Variants in ALMS1 observed in about 807,000 individuals in gnomAD.
The protein encoded by ALMS1 is centrosome-associated protein ALMS1.
Under a neutral mutation model 352.2 loss-of-function variants are expected in ALMS1, and 271 were observed. The ratio of observed to expected loss-of-function variants is 0.77; its 90% CI spans 0.70 to 0.85. The LOEUF (loss-of-function observed/expected upper bound fraction) is 0.85, where lower values mean the gene tolerates loss of function less well. ALMS1 is among the 40% of genes least tolerant of loss of function. The probability of loss-of-function intolerance (pLI) is 0.00; values close to 1 mark genes in which losing one functional copy is unlikely to be tolerated. For missense variants in ALMS1, 5,445 were observed against 4,870.7 expected, an observed-to-expected ratio of 1.12 and a Z score of -3.51; for synonymous variants, 1,865 against 1,761.2, an observed-to-expected ratio of 1.06 and a Z score of -1.48.
At chr2:73,549,672 C>T (rs1037502008) in intron 12 of ALMS1, among the ~76,000 whole-genome samples, 5 of 152,186 alleles carry the variant, frequency 3.3e-5, no homozygotes, top group Non-Finnish European at 7.3e-5. Flanking sequence ...TCCTCCAAAA[C>T]CATCATGAGC....
chr2:73,579,172 G>T (rs1675119806), intron 16 of ALMS1, among the ~76,000 whole-genome samples: 1 of 147,342 alleles, frequency 6.8e-6, no homozygotes, highest in Non-Finnish European at 1.5e-5. Context: ...CAGTTCTCCT[G>T]CCTCGACCTC....
rs1243518140 is a variant in ALMS1 at position 73,453,916 on chromosome 2, G to A, written c.7389G>A (p.Glu2463=). The A allele has an allele frequency of 6.2e-7, 1 of 1,614,114 alleles. No homozygotes were observed. The part of the protein sequence containing the change: ...KTSITDSREE[E]GVSESEDGGG... Reference sequence around the variant, plus strand: ...GTATAACAGATAGCAGGGAGGAAGAGGGTGTGTCAGAGAGTGAGGATGGTG... The same window carrying A: ...GTATAACAGATAGCAGGGAGGAAGAAGGTGTGTCAGAGAGTGAGGATGGTG... Residue 2463 remains glutamate, a synonymous_variant, in exon 8 of 23, where the codon GAG becomes GAA. Coordinates refer to ENST00000613296, the MANE Select transcript of ALMS1 (RefSeq NM_001378454.1).
At chr2:73,583,381 T>G (rs1418561895) in intron 16 of ALMS1, among the ~76,000 whole-genome samples, 2 of 152,066 alleles carry the variant, frequency 1.3e-5, no homozygotes, top group Non-Finnish European at 2.9e-5. Flanking sequence ...GCGACTGCTT[T>G]ATATTTTCTG....
intron 11 of ALMS1, among the ~76,000 whole-genome samples, chr2:73,527,755 T>A (rs1418962543): frequency 1.3e-5 from 2 of 152,090 alleles, no homozygotes; most frequent in Admixed American, 1.3e-4. Context: ...ATTTTATGTA[T>A]TTTTGCTCTG....
At chr2:73,486,141 T>G (rs1672838260) in intron 9 of ALMS1, among the ~76,000 whole-genome samples, 2 of 152,076 alleles carry the variant, frequency 1.3e-5, no homozygotes, top group Non-Finnish European at 2.9e-5. Context: ...TTTTTTCCCT[T>G]TTTACTGTTG....
chr2:73,587,339 A>G (rs143313703), intron 16 of ALMS1, among the ~76,000 whole-genome samples: 2 of 152,304 alleles, frequency 1.3e-5, no homozygotes, highest in African/African-American at 4.8e-5. Context: ...GAAAGTGGGC[A>G]TTCTTGTCTT....
intron 1 of ALMS1, among the ~76,000 whole-genome samples, chr2:73,401,515 A>G (rs78984387): frequency 0.018 from 2,677 of 152,196 alleles, 99 homozygotes; most frequent in East Asian, 0.15. Context: ...TTAACCTCTT[A>G]AGTATGTTGG....
At chr2:73,478,176 G>A (rs116278395) in intron 9 of ALMS1, among the ~76,000 whole-genome samples, 26 of 152,204 alleles carry the variant, frequency 1.7e-4, no homozygotes, top group South Asian at 4.2e-4. Context: ...TCACAAAAAC[G>A]TATTGGGTTT....
chr2:73,526,593 T>C (rs999858380), intron 11 of ALMS1, among the ~76,000 whole-genome samples: 2 of 152,200 alleles, frequency 1.3e-5, no homozygotes, highest in South Asian at 4.1e-4. Flanking sequence ...CATTGTTCAC[T>C]GTTGACATAT....
At chr2:73,579,527 A>T (rs1346773668) in intron 16 of ALMS1, among the ~76,000 whole-genome samples, 1 of 147,290 alleles carries the variant, frequency 6.8e-6, no homozygotes, top group Non-Finnish European at 1.5e-5. Context: ...CACCCAGCTA[A>T]TTTTTGTATT....
rs143385454 is a variant in ALMS1, at chr2:73,606,488, C to T, written c.12363-1987C>T. ...GGAAGCTTGCCTACAGGAAGACAGC[C>T]AGGACATCTCCTAAAATGTATCAAT... is the stretch of plus-strand genomic sequence containing the variant. On this transcript the variant is annotated intron_variant, in intron 21 of 22. Transcript: ENST00000613296. Among the ~76,000 whole-genome samples the T allele has an allele frequency of 5.3e-5, 8 of 152,296 alleles. No homozygotes were observed. The East Asian group carries it at 1.2e-3, about 22-fold the overall frequency.
At chr2:73,406,957 CTG>C (rs1354844149) in intron 1 of ALMS1, among the ~76,000 whole-genome samples, 1 of 152,222 alleles carries the variant, frequency 6.6e-6, no homozygotes, top group African/African-American at 2.4e-5. Flanking sequence ...CAACATTTTA[CTG>C]GTGTCACAAG....
intron 10 of ALMS1, among the ~76,000 whole-genome samples, chr2:73,514,378 T>C (rs550367724): frequency 2.8e-4 from 43 of 152,264 alleles, no homozygotes; most frequent in African/African-American, 1.0e-3. Context: ...CTGTATAGTT[T>C]ACCTTAAATT....
intron 9 of ALMS1, among the ~76,000 whole-genome samples, chr2:73,464,611 G>A (rs1358879651): frequency 6.6e-6 from 1 of 152,166 alleles, no homozygotes; most frequent in Non-Finnish European, 1.5e-5. Flanking sequence ...TTAGGCAGGA[G>A]AAGGAAATAA....
At chr2:73,520,043 T>A in intron 11 of ALMS1, 27 bp downstream of exon 11, 1 of 1,613,954 alleles carries the variant, frequency 6.2e-7, no homozygotes. Flanking sequence ...GCATTTTAGA[T>A]TGTTAGACCA....
Position 73,573,423 on chromosome 2 carries a change from A to G in ALMS1, c.11546A>G (p.Gln3849Arg), listed in dbSNP as rs1674988399. The G allele has an allele frequency of 6.2e-7, 1 of 1,614,006 alleles. No homozygotes were observed. Among genetic ancestry groups the G allele is most frequent in the Non-Finnish European group, 8.5e-7 (1 of 1,179,964 alleles). Reference sequence around the variant, plus strand: ...GAGCACACCAGAAGGAGACACATCCAGGTACATGGCTACAGATTCCATCTG... The same window carrying G: ...GAGCACACCAGAAGGAGACACATCCGGGTACATGGCTACAGATTCCATCTG... ...TSEHTRRRHI[Q>R]VANHVISSDS... Residue 3849 changes from glutamine (Q) to arginine (R), a missense_variant and splice_region_variant, in exon 16 of 23, where the codon CAG becomes CGG. Transcript: ENST00000613296.
At chr2:73,479,844 G>C (rs903317195) in intron 9 of ALMS1, among the ~76,000 whole-genome samples, 1 of 152,110 alleles carries the variant, frequency 6.6e-6, no homozygotes, top group Non-Finnish European at 1.5e-5. Flanking sequence ...CCAGCAGTGT[G>C]TGAGTAATCC....
chr2:73,432,327 AC>A lies in ALMS1; in HGVS notation c.1432+37del, dbSNP rs766524523. 1.2e-5 allele frequency: 18 copies of A among 1,471,142 alleles called. No homozygotes were observed. In the African/African-American group the frequency reaches 1.7e-4, roughly 14 times the overall value. The allele number at this position is 1,471,142 out of a possible 1,614,324, so 91.1% of individuals were successfully genotyped here. A position where few individuals can be genotyped will look rare whatever the true frequency, so the allele number is the denominator to read the frequency against. ...AAAGGAGATAGTAAATGTCCTACTT[AC>A]GGATACCTTGTGAAAAAATATCTTG... On this transcript the variant is annotated intron_variant, in intron 7 of 22. Coordinates refer to ENST00000613296, the MANE Select transcript of ALMS1 (RefSeq NM_001378454.1).
At chr2:73,397,464 TTTTTG>T (rs1326718865) in intron 1 of ALMS1, among the ~76,000 whole-genome samples, 3 of 152,082 alleles carry the variant, frequency 2.0e-5, no homozygotes, top group Admixed American at 6.5e-5. Context: ...TTTTGGGGTT[TTTTTG>T]TTTTGTTTTG....
Sources: gnomAD v4.1 joint callset for allele counts (sites outside exome capture counted in the v4.1 genomes callset) on GRCh38, gnomAD v4.1.1 for gene constraint, MANE v1.5 for transcripts, NCBI Gene and HGNC (gene_info 2026-07-23, HGNC 2026-07-21) for gene names.